Variants in ANKRD27 observed in about 807,000 individuals in gnomAD.
ANKRD27 encodes ankyrin repeat domain-containing protein 27.
Under a neutral mutation model 129.7 loss-of-function variants are expected in ANKRD27, and 112 were observed. The observed-to-expected ratio is 0.86, with a 90% CI of 0.74 to 1.01. ANKRD27 has a LOEUF of 1.01. Among genes scored for constraint, ANKRD27 ranks in the 50% least tolerant of loss-of-function variants. The pLI is 0.00. For missense variants in ANKRD27, 1,258 were observed against 1,300.5 expected (o/e 0.97, Z 0.50); for synonymous variants, 516 against 511.2 (o/e 1.01, Z -0.13).
At chr19:32,640,253 G>A (rs1483039734) in intron 11 of ANKRD27, 54 bp downstream of exon 11, 24 of 1,475,328 alleles carry the variant, frequency 1.6e-5, no homozygotes, top group East Asian at 7.0e-5. Flanking sequence ...GTGAGCCACC[G>A]TGCCCGGCCA....
chr19:32,602,576 T>C (rs940087508), intron 25 of ANKRD27, among the ~76,000 whole-genome samples: 5 of 151,564 alleles, frequency 3.3e-5, no homozygotes, highest in African/African-American at 9.7e-5. Flanking sequence ...CTGGGCAACA[T>C]AGCAAGGCCC....
rs200553749 is a variant in ANKRD27, at chr19:32,643,436, C to G, written c.634G>C (p.Val212Leu). 6.5e-5 allele frequency: 105 copies of G among 1,613,798 alleles called. No homozygotes were observed. Among genetic ancestry groups the G allele is most frequent in the Non-Finnish European group, 8.5e-5 (100 of 1,180,030 alleles). Residue 212 changes from valine (V) to leucine (L), a missense_variant, in exon 7 of 29, where the codon GTG becomes CTG. Transcript: ENST00000306065. ...CCACTCCGCCCCACCCTCACCTCCA[C>G]TGCCTGCTTCATCAGGTTCATCTGG... ...EAQMNLMKQAVEIYVHHEIYN... is the reference protein window; with the variant it reads ...EAQMNLMKQALEIYVHHEIYN...
At chr19:32,635,872 T>C (rs4805789) in intron 12 of ANKRD27, among the ~76,000 whole-genome samples, 107,331 of 152,082 alleles carry the variant, frequency 0.71, 38,534 homozygotes, top group African/African-American at 0.84. Flanking sequence ...TCATTCCTTG[T>C]TACCGCCAAG....
chr19:32,646,638 T>G, intron 3 of ANKRD27, 23 bp from the exon 4 acceptor site: 1 of 1,607,702 alleles, frequency 6.2e-7, no homozygotes, highest in Non-Finnish European at 8.5e-7. Context: ...AAGCCATCAC[T>G]GCACCAGCAG....
rs1555747136 is a variant in ANKRD27 at position 32,656,103 on chromosome 19, G to GAAAGAAAGGAAGGAAAAGAAAAGA, written c.102+2810_102+2811insTCTTTTCTTTTCCTTCCTTTCTTT. On this transcript the variant is annotated intron_variant, in intron 2 of 28. Transcript: ENST00000306065. ...AGAAAGAAAGAAAGAAAGAAAGAAA[G>GAAAGAAAGGAAGGAAAAGAAAAGA]AAAGAAAAGAAAAGAAAAGAAAAGA... Among the ~76,000 whole-genome samples, 6 of 123,754 alleles carry GAAAGAAAGGAAGGAAAAGAAAAGA rather than the reference G, an allele frequency of 4.8e-5. No homozygotes were observed. In the South Asian group the frequency reaches 8.3e-4, roughly 17 times the overall value. 81.2% of individuals were successfully genotyped at this position (123,754 alleles called of 152,430 possible). A position where few individuals can be genotyped will look rare whatever the true frequency, so the allele number is the denominator to read the frequency against.
At chr19:32,615,565 C>G in intron 22 of ANKRD27, 93 bp downstream of exon 22, 1 of 1,603,510 alleles carries the variant, frequency 6.2e-7, no homozygotes, top group East Asian at 2.2e-5. Context: ...GCCTGGGTGA[C>G]AGAACGAGAC....
At chr19:32,643,913 T>C in intron 5 of ANKRD27, 1 of 506,830 alleles carries the variant, frequency 2.0e-6, no homozygotes, top group Non-Finnish European at 3.6e-6. Flanking sequence ...CTCACTTTGT[T>C]GCCCAGAGTA....
Position 32,619,518 on chromosome 19 carries a change from G to C in ANKRD27, c.1863C>G (p.Phe621Leu), listed in dbSNP as rs554576185. 6.2e-7 allele frequency: 1 copy of C among 1,613,966 alleles called. No individual in the cohort carries two copies. Among genetic ancestry groups the C allele is most frequent in the African/African-American group, 1.3e-5 (1 of 74,894 alleles). Residue 621 changes from phenylalanine (F) to leucine (L), a missense_variant, in exon 19 of 29, where the codon TTC becomes TTG. Transcript: ENST00000306065. ...LSVMEAYHLS[F>L]ERRQKSSEAP... ...CCTCGGACGACTTCTGCCTCCTCTC[G>C]AAGGACAGGTGATAGGCTTCCATTA...
intron 5 of ANKRD27, chr19:32,643,861 A>C: frequency 1.8e-6 from 1 of 559,494 alleles, no homozygotes; most frequent in South Asian, 2.2e-5. Flanking sequence ...CTTCCCCATG[A>C]CTTTACCACT....
chr19:32,630,045 A>G (rs1413524704), intron 13 of ANKRD27, among the ~76,000 whole-genome samples: 1 of 151,762 alleles, frequency 6.6e-6, no homozygotes, highest in Admixed American at 6.6e-5. Context: ...TGGGACTACA[A>G]GTGCACACCA....
At position 32,605,911 on chromosome 19, in the gene ANKRD27, T is replaced by G; in HGVS notation, c.2417A>C (p.Lys806Thr). The change falls in exon 24 of 29, where the codon AAG becomes ACG. Residue 806 changes from lysine to threonine, a missense_variant. Transcript: ENST00000306065. ...GAGGGGCGTGTTTCCACTGAGGTCC[T>G]TCTTATTGGGTTTTGCATTCGAATC... ...LLDSNAKPNK[K>T]DLSGNTPLIY... is the part of the protein sequence containing the mutation. 6.2e-7 allele frequency: 1 copy of G among 1,614,046 alleles called. No homozygotes were observed.
intron 23 of ANKRD27, among the ~76,000 whole-genome samples, chr19:32,606,377 C>A (rs1971736680): frequency 1.3e-5 from 2 of 152,068 alleles, no homozygotes; most frequent in South Asian, 4.1e-4. Context: ...TGGCCTCGAA[C>A]TCTTGACCTC....
intron 2 of ANKRD27, among the ~76,000 whole-genome samples, chr19:32,653,473 A>G (rs1599768158): frequency 6.6e-6 from 1 of 152,104 alleles, no homozygotes; most frequent in African/African-American, 2.4e-5. Flanking sequence ...AGGGACGCAG[A>G]CCTGCCCAGC....
At chr19:32,635,876 C>T (rs900213072) in intron 12 of ANKRD27, among the ~76,000 whole-genome samples, 66 of 152,262 alleles carry the variant, frequency 4.3e-4, no homozygotes, top group African/African-American at 1.5e-3. Flanking sequence ...TCCTTGTTAC[C>T]GCCAAGTCAC....
intron 10 of ANKRD27, 45 bp from the exon 11 acceptor site, chr19:32,640,430 T>C (rs10416829): frequency 0.67 from 1,038,117 of 1,551,134 alleles, 349,978 homozygotes; most frequent in African/African-American, 0.81. Flanking sequence ...GAGATTCAAA[T>C]GGACTGACAA....
intron 13 of ANKRD27, 67 bp from the exon 14 acceptor site, chr19:32,628,916 T>G: frequency 6.3e-7 from 1 of 1,587,464 alleles, no homozygotes; most frequent in East Asian, 2.3e-5. Flanking sequence ...GTAAATTTTT[T>G]GAGAGTCCTT....
chr19:32,663,306 C>T (rs2145322521), intron 1 of ANKRD27, among the ~76,000 whole-genome samples: 1 of 152,286 alleles, frequency 6.6e-6, no homozygotes, highest in East Asian at 1.9e-4. Context: ...AGGAACCACC[C>T]ACCCAACTCA....
rs569415236 is a variant in ANKRD27, at chr19:32,643,926, G to A, written c.526-295C>T. ...GTCTCACTTTGTTGCCCAGAGTAGAGTGCAGTGGTATGACTATAGCACGCT... is the reference window on the plus strand; with the variant it reads ...GTCTCACTTTGTTGCCCAGAGTAGAATGCAGTGGTATGACTATAGCACGCT... On this transcript the variant is annotated intron_variant, in intron 5 of 28. Transcript: ENST00000306065. 79 of 499,120 alleles carry A rather than the reference G, an allele frequency of 1.6e-4. No homozygotes were observed. In the South Asian group the frequency reaches 1.7e-3, roughly 11 times the overall value. The allele number at this position is 499,120 out of a possible 1,614,324, so 30.9% of individuals were successfully genotyped here.
rs540983313 is a variant in ANKRD27 at position 32,659,579 on chromosome 19, G to A, written c.-30-534C>T. Among the ~76,000 whole-genome samples the A allele has an allele frequency of 5.9e-5, 9 of 152,112 alleles. No individual in the cohort carries two copies. In the South Asian group the frequency reaches 1.9e-3, roughly 32 times the overall value. ...TCCAAGTCTTGGCTAAAGTATAAAT[G>A]GCTATTTTTAGAATATCCTACATGA... On this transcript the variant is annotated intron_variant, in intron 1 of 28. Transcript: ENST00000306065.
Sources: gnomAD v4.1 joint callset for allele counts (sites outside exome capture counted in the v4.1 genomes callset) on GRCh38, gnomAD v4.1.1 for gene constraint, MANE v1.5 for transcripts, NCBI Gene and HGNC (gene_info 2026-07-23, HGNC 2026-07-21) for gene names.